DCDC2C: variants seen among roughly 807,000 people sequenced by gnomAD.
The protein encoded by DCDC2C is doublecortin domain containing 2C.
In DCDC2C, 44 loss-of-function variants were observed where a neutral mutation model predicts 45.0. The observed-to-expected ratio is 0.98, with a 90% confidence interval of 0.77 to 1.26. The LOEUF is 1.26. Ranked by LOEUF, DCDC2C falls within the 50% of genes most tolerant of loss-of-function variation. The pLI is 0.00. For missense variants in DCDC2C, 447 were observed against 468.9 expected, an observed-to-expected ratio of 0.95 and a Z score of 0.43; for synonymous variants, 187 against 178.8, an observed-to-expected ratio of 1.05 and a Z score of -0.37.
In DCDC2C at chr2:3,834,879, G is replaced by A. The variant is rs566913918; in HGVS notation, c.1066-12275G>A. On this transcript the variant is annotated intron_variant, in intron 10 of 10. Transcript: ENST00000399143. ...GGGAGCATCACATATTATGTGCTGGGAACAGTGCTGAGCATCGTATTCATA... is the reference window on the plus strand; with the variant it reads ...GGGAGCATCACATATTATGTGCTGGAAACAGTGCTGAGCATCGTATTCATA... 3.3e-4 allele frequency among the ~76,000 whole-genome samples: 50 copies of A among 152,314 alleles called. 1 individual carries two copies. In the South Asian group the frequency reaches 9.7e-3, roughly 30 times the overall value.
chr2:3,762,472 G>C (rs1234560487), intron 6 of DCDC2C, among the ~76,000 whole-genome samples: 1 of 152,194 alleles, frequency 6.6e-6, no homozygotes, highest in Non-Finnish European at 1.5e-5. Flanking sequence ...GGTTCTGCAG[G>C]AAGCATGGGA....
intron 10 of DCDC2C, among the ~76,000 whole-genome samples, chr2:3,821,359 C>T (rs886230231): frequency 6.6e-6 from 1 of 152,118 alleles, no homozygotes; most frequent in African/African-American, 2.4e-5. Context: ...TAAATCAAGA[C>T]CATATTATGT....
chr2:3,796,868 A>G (rs1369834736), intron 10 of DCDC2C, among the ~76,000 whole-genome samples: 1 of 151,938 alleles, frequency 6.6e-6, no homozygotes. Flanking sequence ...TGGTATCAGG[A>G]TGATGCTGGC....
chr2:3,808,024 G>A (rs1410021618), intron 10 of DCDC2C, among the ~76,000 whole-genome samples: 4 of 152,174 alleles, frequency 2.6e-5, no homozygotes, highest in African/African-American at 9.7e-5. Flanking sequence ...TTGATGTAAA[G>A]GTTGTGTAAT....
chr2:3,771,266 C>G (rs1024652871), intron 8 of DCDC2C, among the ~76,000 whole-genome samples: 28 of 152,214 alleles, frequency 1.8e-4, no homozygotes, highest in African/African-American at 6.8e-4. Context: ...CTCACCTTGT[C>G]TCCCACTCGC....
intron 1 of DCDC2C, among the ~76,000 whole-genome samples, chr2:3,704,790 G>T (rs1668018351): frequency 2.7e-5 from 4 of 150,688 alleles, no homozygotes; most frequent in Admixed American, 2.6e-4. Context: ...ATTTGAAATC[G>T]CTCAGGGTGA....
intron 10 of DCDC2C, among the ~76,000 whole-genome samples, chr2:3,821,085 T>C (rs549700155): frequency 2.0e-5 from 3 of 152,162 alleles, no homozygotes; most frequent in South Asian, 2.1e-4. Flanking sequence ...GGCCGTTTTA[T>C]AGGATTTGGG....
rs202019113 is a variant in DCDC2C, at chr2:3,753,780, TTCACG to T, written c.684-810_684-806del. On this transcript the variant is annotated intron_variant, in intron 5 of 10. Transcript: ENST00000399143. ...CCGGGATGGCCTCCTCCTATTCTGG[TTCACG>T]TGCTGCTAGGGTTTGTACCTCAAGG... Among the ~76,000 whole-genome samples the T allele has an allele frequency of 8.6e-3, 1,306 of 152,264 alleles. 16 individuals are homozygous for T. Among genetic ancestry groups the T allele is most frequent in the Non-Finnish European group, 0.012 (784 of 68,022 alleles).
intron 10 of DCDC2C, among the ~76,000 whole-genome samples, chr2:3,804,674 G>A (rs992515): frequency 0.12 from 18,757 of 152,158 alleles, 1,312 homozygotes; most frequent in East Asian, 0.28. Context: ...TTTCTCTGTT[G>A]AATGCATGCA....
At chr2:3,801,628 A>G (rs759437904) in intron 10 of DCDC2C, among the ~76,000 whole-genome samples, 10 of 152,262 alleles carry the variant, frequency 6.6e-5, no homozygotes, top group Non-Finnish European at 1.3e-4. Flanking sequence ...TCCACTTAGC[A>G]TCAGAGTCTT....
rs549860914 is a variant in DCDC2C at position 3,761,226 on chromosome 2, C to T, written c.727-6528C>T. 7.6e-4 allele frequency among the ~76,000 whole-genome samples: 115 copies of T among 152,312 alleles called. No individual in the cohort carries two copies. The highest frequency in any genetic ancestry group is 2.6e-3 in the African/African-American group (108 of 41,578). On this transcript the variant is annotated intron_variant, in intron 6 of 10. Transcript: ENST00000399143. The surrounding 1 kb of genome is among the most constrained non-coding windows in gnomAD (Gnocchi z 4.3). ...AATGAATGTTTTATGGTTCAGGCTT[C>T]TGTGAAAAATCAGTAAATAGTTAAT...
At chr2:3,768,030 G>A (rs990028926) in intron 7 of DCDC2C, 150 bp downstream of exon 7, 77 of 951,174 alleles carry the variant, frequency 8.1e-5, no homozygotes, top group Admixed American at 7.0e-4. Context: ...TCAGCTTGTA[G>A]GTAGTTCAGT....
intron 3 of DCDC2C, among the ~76,000 whole-genome samples, chr2:3,741,407 T>C (rs987330137): frequency 6.6e-6 from 1 of 152,228 alleles, no homozygotes; most frequent in African/African-American, 2.4e-5. Flanking sequence ...TATGTTCTAT[T>C]AATCTGGGCA....
intron 6 of DCDC2C, among the ~76,000 whole-genome samples, chr2:3,757,388 C>G (rs369354042): frequency 1.6e-4 from 24 of 152,202 alleles, no homozygotes; most frequent in African/African-American, 5.8e-4. Context: ...TGTGCACATT[C>G]TAATAACATC....
chr2:3,705,870 C>T (rs901539941), intron 1 of DCDC2C, among the ~76,000 whole-genome samples: 4 of 152,178 alleles, frequency 2.6e-5, no homozygotes, highest in Non-Finnish European at 5.9e-5. Context: ...TCACCCACTG[C>T]AGAGGGAGGG....
At chr2:3,760,000 G>A (rs35166791) in intron 6 of DCDC2C, among the ~76,000 whole-genome samples, 73,442 of 152,120 alleles carry the variant, frequency 0.48, 19,017 homozygotes, top group South Asian at 0.71. Context: ...AATCCCAGCT[G>A]TACTTAACAT....
At chr2:3,755,537 ATG>A (rs1243618173) in intron 6 of DCDC2C, among the ~76,000 whole-genome samples, 1 of 149,756 alleles carries the variant, frequency 6.7e-6, no homozygotes, top group East Asian at 2.1e-4. Context: ...GTATGTATGA[ATG>A]TGTAGGGATG....
At chr2:3,724,417 T>G (rs1182899473) in intron 2 of DCDC2C, among the ~76,000 whole-genome samples, 1 of 152,096 alleles carries the variant, frequency 6.6e-6, no homozygotes, top group Non-Finnish European at 1.5e-5. Context: ...AAAGCCCCCA[T>G]GAGACACACC....
At chr2:3,746,726 C>T (rs1669374289) in intron 4 of DCDC2C, among the ~76,000 whole-genome samples, 1 of 152,140 alleles carries the variant, frequency 6.6e-6, no homozygotes, top group Non-Finnish European at 1.5e-5. Context: ...GAGATGGATC[C>T]CCTAAGGGAA....
Sources: allele counts gnomAD v4.1 joint callset (sites outside exome capture counted in the v4.1 genomes callset), GRCh38; gene constraint gnomAD v4.1.1; non-coding constraint Gnocchi (gnomAD v3.1); transcripts MANE v1.5; gene names NCBI Gene and HGNC (gene_info 2026-07-23, HGNC 2026-07-21).